The following NMNAT2 variants were observed in gnomAD, a reference collection of about 807,000 sequenced individuals.
NMNAT2 encodes the protein nicotinamide/nicotinic acid mononucleotide adenylyltransferase 2.
Under a neutral mutation model 41.6 loss-of-function variants are expected in NMNAT2, and 11 were observed. The ratio of observed to expected loss-of-function variants is 0.26; its 90% confidence interval spans 0.17 to 0.44. The LOEUF (loss-of-function observed/expected upper bound fraction) is 0.44. Among genes scored for constraint, NMNAT2 ranks in the 20% least tolerant of loss-of-function variants. NMNAT2 has a pLI of 1.00. For missense variants in NMNAT2, 288 were observed against 407.7 expected (o/e 0.71, Z 2.53); for synonymous variants, 148 against 151.2 (o/e 0.98, Z 0.16).
At chr1:183,293,519 G>C (rs966981212) in intron 2 of NMNAT2, among the ~76,000 whole-genome samples, 186 bp downstream of exon 2, 1 of 152,204 alleles carries the variant, frequency 6.6e-6, no homozygotes, top group Admixed American at 6.5e-5. Flanking sequence ...CTGCTTCAAC[G>C]CCCATCCACT....
Position 183,358,314 on chromosome 1 carries a change from T to C in NMNAT2, c.85+59869A>G, listed in dbSNP as rs1663239495. Among the ~76,000 whole-genome samples the C allele has an allele frequency of 3.3e-5, 5 of 152,278 alleles. No homozygotes were observed. The South Asian group carries it at 1.0e-3, about 32-fold the overall frequency. On this transcript the variant is annotated intron_variant, in intron 1 of 10. Transcript: ENST00000287713. ...AGAGAGGATCAGGAAAAATAACTAATGGGCTTAATATCTGGGCAATGAAAT... is the reference window on the plus strand; with the variant it reads ...AGAGAGGATCAGGAAAAATAACTAACGGGCTTAATATCTGGGCAATGAAAT...
intron 1 of NMNAT2, among the ~76,000 whole-genome samples, chr1:183,406,105 T>A (rs926440123): frequency 5.9e-5 from 9 of 152,258 alleles, no homozygotes; most frequent in Middle Eastern, 3.4e-3. Context: ...GTGCCACAAA[T>A]AAAGGGATTA....
chr1:183,408,541 T>A (rs1649026225), intron 1 of NMNAT2, among the ~76,000 whole-genome samples: 1 of 152,184 alleles, frequency 6.6e-6, no homozygotes, highest in African/African-American at 2.4e-5. Flanking sequence ...TCAATCACCT[T>A]ATTTTACAAA....
chr1:183,284,064 G>C, intron 6 of NMNAT2, 25 bp from the exon 7 acceptor site: 3 of 1,605,614 alleles, frequency 1.9e-6, no homozygotes, highest in Non-Finnish European at 2.6e-6. Flanking sequence ...AGGAAGGTAG[G>C]GCATTAGGGA....
At chr1:183,255,916 C>T (rs111755505) in intron 10 of NMNAT2, among the ~76,000 whole-genome samples, 62 of 151,836 alleles carry the variant, frequency 4.1e-4, no homozygotes, top group African/African-American at 6.5e-4. Context: ...CACCTGCCTC[C>T]GCCTCCCAAA....
chr1:183,380,274 C>T (rs1663773793), intron 1 of NMNAT2, among the ~76,000 whole-genome samples: 1 of 152,156 alleles, frequency 6.6e-6, no homozygotes, highest in African/African-American at 2.4e-5. Flanking sequence ...AACCTTACCC[C>T]TGAATTTATT....
At chr1:183,414,415 T>A (rs957398317) in intron 1 of NMNAT2, among the ~76,000 whole-genome samples, 1 of 152,272 alleles carries the variant, frequency 6.6e-6, no homozygotes, top group African/African-American at 2.4e-5. Flanking sequence ...GACTTCCCAG[T>A]GGTAGATTTA....
chr1:183,380,787 T>C (rs1186714938), intron 1 of NMNAT2, among the ~76,000 whole-genome samples: 2 of 152,108 alleles, frequency 1.3e-5, no homozygotes, highest in Non-Finnish European at 1.5e-5. Context: ...TTCAGTTCGG[T>C]TGGAGTAGAA....
chr1:183,384,962 G>C (rs539575427), intron 1 of NMNAT2, among the ~76,000 whole-genome samples: 1 of 152,100 alleles, frequency 6.6e-6, no homozygotes, highest in Admixed American at 6.5e-5. Context: ...GAGTCCAGGG[G>C]TGGGGTGGGA....
At chr1:183,301,911 C>G (rs1458399033) in intron 1 of NMNAT2, among the ~76,000 whole-genome samples, 2 of 152,216 alleles carry the variant, frequency 1.3e-5, no homozygotes, top group Non-Finnish European at 2.9e-5. Context: ...TCCTTTTCAG[C>G]TGCAATTAGA....
chr1:183,331,849 G>A (rs934732419), intron 1 of NMNAT2, among the ~76,000 whole-genome samples: 6 of 152,194 alleles, frequency 3.9e-5, no homozygotes, highest in African/African-American at 9.7e-5. Flanking sequence ...GTACAGTGGT[G>A]CAATCTGGGC....
intron 8 of NMNAT2, among the ~76,000 whole-genome samples, chr1:183,277,398 G>A (rs4652793): frequency 0.73 from 110,281 of 151,278 alleles, 41,437 homozygotes; most frequent in Middle Eastern, 0.86. Flanking sequence ...CAGAAGAATC[G>A]CTTGAACCTG....
chr1:183,355,028 C>T (rs1053888654), intron 1 of NMNAT2, among the ~76,000 whole-genome samples: 2 of 152,232 alleles, frequency 1.3e-5, no homozygotes, highest in East Asian at 1.9e-4. Flanking sequence ...GGTCCTTCTA[C>T]TCCACAGGCC....
At chr1:183,401,290 T>A (rs532172689) in intron 1 of NMNAT2, among the ~76,000 whole-genome samples, 1 of 152,206 alleles carries the variant, frequency 6.6e-6, no homozygotes, top group Non-Finnish European at 1.5e-5. Flanking sequence ...AAGACATTTA[T>A]GCAGCCAACA....
At chr1:183,280,775 ATTTTTTTTTT>A (rs138238837) in intron 7 of NMNAT2, among the ~76,000 whole-genome samples, 3 of 60,978 alleles carry the variant, frequency 4.9e-5, no homozygotes, top group South Asian at 8.6e-4. Flanking sequence ...GTGTTAGTGT[ATTTTTTTTTT>A]TTTTTTTTTT....
At chr1:183,412,532 G>A (rs760368338) in intron 1 of NMNAT2, among the ~76,000 whole-genome samples, 1 of 152,148 alleles carries the variant, frequency 6.6e-6, no homozygotes, top group African/African-American at 2.4e-5. Context: ...CAAAAGGATC[G>A]CTCTGATAAT....
rs535615735 is a variant in NMNAT2 at position 183,315,593 on chromosome 1, C to T, written c.86-21800G>A. ...AGTCAGGGGTTCAAGACCAGCCTGG[C>T]CAAGATGGTAAAACCCCGTCTCTAC... is the stretch of plus-strand genomic sequence containing the variant. On this transcript the variant is annotated intron_variant, in intron 1 of 10. Coordinates refer to ENST00000287713, the MANE Select transcript of NMNAT2 (RefSeq NM_015039.4). Among the ~76,000 whole-genome samples the T allele has an allele frequency of 4.9e-4, 75 of 151,974 alleles. 1 individual carries two copies. The highest frequency in any genetic ancestry group is 1.8e-3 in the African/African-American group (73 of 41,420).
At chr1:183,265,474 T>C (rs1660789551) in intron 8 of NMNAT2, among the ~76,000 whole-genome samples, 1 of 151,800 alleles carries the variant, frequency 6.6e-6, no homozygotes, top group South Asian at 2.1e-4. Context: ...ACCATGTTGG[T>C]TAGGCTGGTC....
intron 1 of NMNAT2, among the ~76,000 whole-genome samples, chr1:183,349,222 A>G (rs779897829): frequency 5.3e-5 from 8 of 152,226 alleles, no homozygotes; most frequent in Non-Finnish European, 1.2e-4. Flanking sequence ...TCAATTTAAT[A>G]ACACCATTCT....
Sources: gnomAD v4.1 joint callset for allele counts (sites outside exome capture counted in the v4.1 genomes callset) on GRCh38, gnomAD v4.1.1 for gene constraint, MANE v1.5 for transcripts, NCBI Gene and HGNC (gene_info 2026-07-23, HGNC 2026-07-21) for gene names.